The following ANKRD6 variants were observed in gnomAD, a reference collection of about 807,000 sequenced individuals.
ANKRD6 encodes the protein ankyrin repeat domain 6, also known as ankyrin repeat domain-containing protein 6.
ANKRD6 carries 56 observed loss-of-function variants against 82.3 expected under a neutral mutation model. The ratio of observed to expected loss-of-function variants is 0.68; its 90% CI spans 0.55 to 0.85. ANKRD6 has a LOEUF of 0.85. Among genes scored for constraint, ANKRD6 ranks in the 40% least tolerant of loss-of-function variants. ANKRD6 has a pLI of 0.00. For synonymous variants in ANKRD6, 347 were observed against 352.1 expected, an observed-to-expected ratio of 0.99 and a Z score of 0.16; for missense variants, 852 against 907.6, an observed-to-expected ratio of 0.94 and a Z score of 0.79.
intron 1 of ANKRD6, among the ~76,000 whole-genome samples, chr6:89,453,732 A>C (rs1188256676): frequency 6.7e-6 from 1 of 150,026 alleles, no homozygotes; most frequent in Admixed American, 6.7e-5. Flanking sequence ...GGTGCACGCC[A>C]CCCAGCTAAT....
chr6:89,609,937 G>A (rs1799792522), intron 5 of ANKRD6, among the ~76,000 whole-genome samples: 1 of 152,094 alleles, frequency 6.6e-6, no homozygotes, highest in Non-Finnish European at 1.5e-5. Context: ...AAATAAAATG[G>A]CTTCAGAAGG....
chr6:89,528,573 T>C (rs1583102465), intron 1 of ANKRD6, among the ~76,000 whole-genome samples: 1 of 152,240 alleles, frequency 6.6e-6, no homozygotes, highest in Non-Finnish European at 1.5e-5. Flanking sequence ...TTCCAAACTC[T>C]TGTTAATGTT....
chr6:89,465,215 G>A (rs917732341), intron 1 of ANKRD6, among the ~76,000 whole-genome samples: 2 of 151,528 alleles, frequency 1.3e-5, no homozygotes, highest in African/African-American at 2.4e-5. Flanking sequence ...TGCCTCCTGG[G>A]TTCAAGTAAT....
At chr6:89,521,824 C>T (rs1256893062) in intron 1 of ANKRD6, among the ~76,000 whole-genome samples, 2 of 151,946 alleles carry the variant, frequency 1.3e-5, no homozygotes, top group Admixed American at 6.5e-5. Flanking sequence ...AAATATAAGT[C>T]TCCAATTCCA....
intron 1 of ANKRD6, among the ~76,000 whole-genome samples, chr6:89,484,288 A>G (rs1777120060): frequency 6.6e-6 from 1 of 152,178 alleles, no homozygotes; most frequent in Non-Finnish European, 1.5e-5. Context: ...ATTGTGAAAT[A>G]CGTGATGCGC....
At chr6:89,534,136 T>A (rs546083589) in intron 1 of ANKRD6, among the ~76,000 whole-genome samples, 3 of 152,234 alleles carry the variant, frequency 2.0e-5, no homozygotes, top group Admixed American at 6.5e-5. Context: ...TAAATTTAGC[T>A]CTGCTGTAAA....
chr6:89,539,093 C>T (rs901544974), intron 1 of ANKRD6, among the ~76,000 whole-genome samples: 2 of 152,038 alleles, frequency 1.3e-5, no homozygotes, highest in Non-Finnish European at 2.9e-5. Flanking sequence ...GAATCTATTT[C>T]TTTCATTGAA....
chr6:89,444,388 C>T (rs1771800281), intron 1 of ANKRD6, among the ~76,000 whole-genome samples: 1 of 152,154 alleles, frequency 6.6e-6, no homozygotes, highest in Admixed American at 6.5e-5. Flanking sequence ...AATGAAAGAA[C>T]CTCACATCTC....
chr6:89,478,611 G>A (rs1190619877), intron 1 of ANKRD6, among the ~76,000 whole-genome samples: 3 of 151,184 alleles, frequency 2.0e-5, no homozygotes, highest in Non-Finnish European at 4.4e-5. Context: ...GTGTGCACCT[G>A]TAATCCCAGC....
intron 4 of ANKRD6, 47 bp downstream of exon 4, chr6:89,603,174 G>T (rs772474541): frequency 4.5e-6 from 7 of 1,547,034 alleles, no homozygotes; most frequent in Non-Finnish European, 6.1e-6. Flanking sequence ...AGGGAAGCCA[G>T]TGGCTCAGGG....
In ANKRD6 at chr6:89,623,500, G is replaced by A. The variant is rs761591846; in HGVS notation, c.988G>A (p.Glu330Lys). ...AGAAGAGTTCCTGTCAGCCTCCCCAGAACCCAGAGCAAAGGATGACAGGAG... is the reference window on the plus strand; with the variant it reads ...AGAAGAGTTCCTGTCAGCCTCCCCAAAACCCAGAGCAAAGGATGACAGGAG... The part of the protein sequence containing the change: ...AREEFLSASP[E>K]PRAKDDRRRK... The change falls in exon 11 of 16, where the codon GAA (glutamate) becomes AAA (lysine). Residue 330 changes from glutamate (E) to lysine (K), a missense_variant. Coordinates refer to ENST00000339746, the MANE Select transcript of ANKRD6 (RefSeq NM_001242809.2). The A allele has an allele frequency of 4.4e-6, 7 of 1,595,676 alleles. No homozygotes were observed. The highest frequency in any genetic ancestry group is 6.0e-6 in the Non-Finnish European group (7 of 1,171,070).
At chr6:89,477,117 T>A (rs374410467) in intron 1 of ANKRD6, among the ~76,000 whole-genome samples, 7 of 152,242 alleles carry the variant, frequency 4.6e-5, no homozygotes, top group Admixed American at 3.3e-4. Flanking sequence ...GCTAATTTTT[T>A]GCATTTTTAG....
chr6:89,467,706 TTA>T (rs1290743786), intron 1 of ANKRD6, among the ~76,000 whole-genome samples: 1 of 152,164 alleles, frequency 6.6e-6, no homozygotes, highest in East Asian at 1.9e-4. Context: ...TCCAAAAGAT[TTA>T]TGTTTCACTG....
At position 89,433,784 on chromosome 6, in the gene ANKRD6, C is replaced by G. The variant is rs1770266727; in HGVS notation, c.-144+409C>G. 1.3e-5 allele frequency among the ~76,000 whole-genome samples: 2 copies of G among 152,232 alleles called. No homozygotes were observed. The highest frequency in any genetic ancestry group is 1.3e-4 in the Admixed American group (2 of 15,290). Reference sequence around the variant, plus strand: ...TAGGTCCCTGGCCTGCGGCCGCCTCCGAATGACCCCGTCCCTCCCCGCCCT... The same window carrying G: ...TAGGTCCCTGGCCTGCGGCCGCCTCGGAATGACCCCGTCCCTCCCCGCCCT... On this transcript the variant is annotated intron_variant, in intron 1 of 15. Transcript: ENST00000339746. This position sits in a 1 kb window ranked among gnomAD's most constrained non-coding sequence, Gnocchi z 4.3.
chr6:89,475,955 C>CT (rs1179638059), intron 1 of ANKRD6, among the ~76,000 whole-genome samples: 1 of 152,088 alleles, frequency 6.6e-6, no homozygotes, highest in Non-Finnish European at 1.5e-5. Flanking sequence ...CTTGGTATGG[C>CT]TATAAGCTGT....
At chr6:89,529,817 G>A (rs961084472) in intron 1 of ANKRD6, among the ~76,000 whole-genome samples, 12 of 152,170 alleles carry the variant, frequency 7.9e-5, no homozygotes, top group Admixed American at 5.2e-4. Flanking sequence ...GGAACCAGGG[G>A]TTGGTGGAGG....
At chr6:89,446,876 C>T (rs4707541) in intron 1 of ANKRD6, among the ~76,000 whole-genome samples, 142,532 of 152,230 alleles carry the variant, frequency 0.94, 66,815 homozygotes, top group East Asian at 1. Context: ...AGGGGCTTTT[C>T]CCCCTTTTGA....
chr6:89,521,794 CCT>C (rs1303909261), intron 1 of ANKRD6, among the ~76,000 whole-genome samples: 1 of 151,864 alleles, frequency 6.6e-6, no homozygotes, highest in Non-Finnish European at 1.5e-5. Context: ...TTATAGAAGA[CCT>C]TGAGAAAATA....
chr6:89,518,805 G>T (rs989576743), intron 1 of ANKRD6, among the ~76,000 whole-genome samples: 6 of 152,146 alleles, frequency 3.9e-5, no homozygotes, highest in Non-Finnish European at 4.4e-5. Context: ...ATATTGGTTT[G>T]CTAGGGCTGC....
Sources: allele counts gnomAD v4.1 joint callset (sites outside exome capture counted in the v4.1 genomes callset), GRCh38; gene constraint gnomAD v4.1.1; non-coding constraint Gnocchi (gnomAD v3.1); transcripts MANE v1.5; gene names NCBI Gene and HGNC (gene_info 2026-07-23, HGNC 2026-07-21).